The following PCSK1N variants were observed in gnomAD, a reference collection of about 807,000 sequenced individuals.
PCSK1N encodes proprotein convertase subtilisin/kexin type 1 inhibitor, also known as proSAAS.
A neutral mutation model predicts 10.6 loss-of-function variants in PCSK1N; 8 were observed. That is an observed-to-expected ratio of 0.76 (90% CI 0.44 to 1.37). The LOEUF is 1.37. Ranked by LOEUF, PCSK1N falls within the 40% of genes most tolerant of loss-of-function variation. PCSK1N has a pLI of 0.00. For missense variants in PCSK1N, 301 were observed against 268.5 expected (o/e 1.12, Z -0.84); for synonymous variants, 143 against 137.1 (o/e 1.04, Z -0.30).
intron 1 of PCSK1N, among the ~76,000 whole-genome samples, chrX:48,834,361 C>T (rs971965080): frequency 1.8e-5 from 2 of 110,877 alleles, no homozygotes; most frequent in Admixed American, 9.7e-5. Context: ...AGGAGGATGC[C>T]TCTCCAAGTG....
At position 48,835,471 on chromosome X, in the gene PCSK1N, A is replaced by G; in HGVS notation, c.62T>C (p.Leu21Pro). 1.0e-6 allele frequency: 1 copy of G among 970,526 alleles called. No individual in the cohort carries two copies. The allele number at this position is 970,526 out of a possible 1,213,427, so 80.0% of individuals were successfully genotyped here. ...RAGGVGLLVL[L>P]LLGLFRPPPA... ...GGGCGGCCGAAACAGGCCGAGCAGCAGCAGCACCAAAAGGCCGACGCCCCC... is the reference window on the plus strand; with the variant it reads ...GGGCGGCCGAAACAGGCCGAGCAGCGGCAGCACCAAAAGGCCGACGCCCCC... Residue 21 changes from leucine (L) to proline (P), a missense_variant, in exon 1 of 3, where the codon CTG (leucine) becomes CCG (proline). Coordinates refer to ENST00000218230, the MANE Select transcript of PCSK1N (RefSeq NM_013271.5).
chrX:48,831,432 G>A lies in PCSK1N; in HGVS notation c.611C>T (p.Ala204Val), dbSNP rs781883585. 9.3e-7 allele frequency: 1 copy of A among 1,079,391 alleles called. No homozygotes were observed. The highest frequency in any genetic ancestry group is 1.9e-5 in the African/African-American group (1 of 52,124). The allele number at this position is 1,079,391 out of a possible 1,213,427, so 89.0% of individuals were successfully genotyped here. A position where few individuals can be genotyped will look rare whatever the true frequency, so the allele number is the denominator to read the frequency against. Residue 204 changes from alanine to valine, a missense_variant, in exon 3 of 3, where the codon GCG becomes GTG. Transcript: ENST00000218230. The stretch of plus-strand genomic sequence containing the variant: ...CACCCCCTCGGAGTCCGCGCTTCCC[G>A]CAAGAATCCGTCCCAGCAAGTACCT... ...LLRYLLGRIL[A>V]GSADSEGVAA...
intron 1 of PCSK1N, chrX:48,834,494 G>A: frequency 4.3e-6 from 3 of 692,854 alleles, no homozygotes; most frequent in Non-Finnish European, 5.1e-6. Context: ...GCCCAACACT[G>A]CCACAGCCAC....
intron 1 of PCSK1N, 61 bp downstream of exon 1, chrX:48,835,358 C>A: frequency 1.9e-6 from 1 of 519,792 alleles, no homozygotes. Flanking sequence ...CAGCCCCAAC[C>A]CCAACCCTCG....
Position 48,831,866 on chromosome X carries a change from C to A in PCSK1N, c.587+3G>T. 1 of 1,056,885 alleles carries A rather than the reference C, an allele frequency of 9.5e-7. No homozygotes were observed. Among genetic ancestry groups the A allele is most frequent in the Non-Finnish European group, 1.2e-6 (1 of 826,153 alleles). The allele number at this position is 1,056,885 out of a possible 1,213,427, so 87.1% of individuals were successfully genotyped here. On this transcript the variant is annotated splice_donor_region_variant and intron_variant, in intron 2 of 2. Coordinates refer to ENST00000218230, the MANE Select transcript of PCSK1N (RefSeq NM_013271.5). Reference sequence around the variant, plus strand: ...CGACCCCTCCCCACCCCCTGCCGGGCACCTCAACAGCTCGGGGTCCACGTC... The same window carrying A: ...CGACCCCTCCCCACCCCCTGCCGGGAACCTCAACAGCTCGGGGTCCACGTC...
rs2063175129 is a variant in PCSK1N at position 48,832,123 on chromosome X, G to A, written c.333C>T (p.Arg111=). The change falls in exon 2 of 3, where the codon CGC becomes CGT. Residue 111 remains arginine, a synonymous_variant. Transcript: ENST00000218230. ...CAGAGTTGCGGGGGGCGCCCCAGAC[G>A]CGCAGCAGCTGCGCCAGGACGCGCG... ...QQARVLAQLL[R]VWGAPRNSDP... 2.7e-6 allele frequency: 3 copies of A among 1,125,966 alleles called. No individual in the cohort carries two copies. Among genetic ancestry groups the A allele is most frequent in the Admixed American group, 2.8e-5 (1 of 35,269 alleles). The allele number at this position is 1,125,966 out of a possible 1,213,427, so 92.8% of individuals were successfully genotyped here.
At position 48,831,165 on chromosome X, in the gene PCSK1N, G is replaced by A. The variant is rs56338702; in HGVS notation, c.*95C>T. On this transcript the variant is annotated 3_prime_UTR_variant, in exon 3 of 3. Transcript: ENST00000218230. ...CGGGTGAGAGGGCTGGCTGGCCGGGGTAAGTTGCTCTGGACGTGCTGGCGG... is the reference window on the plus strand; with the variant it reads ...CGGGTGAGAGGGCTGGCTGGCCGGGATAAGTTGCTCTGGACGTGCTGGCGG... The A allele has an allele frequency of 0.038, 27,759 of 734,477 alleles. 495 individuals are homozygous for A. Among genetic ancestry groups the A allele is most frequent in the Non-Finnish European group, 0.045 (23,896 of 526,529 alleles). The allele number at this position is 734,477 out of a possible 1,213,427, so 60.5% of individuals were successfully genotyped here. A position where few individuals can be genotyped will look rare whatever the true frequency, so the allele number is the denominator to read the frequency against.
chrX:48,833,897 GA>G (rs200814094), intron 1 of PCSK1N, among the ~76,000 whole-genome samples: 7 of 108,050 alleles, frequency 6.5e-5, no homozygotes, highest in African/African-American at 1.7e-4. Context: ...AGAGCCAAGG[GA>G]AAAAAAAACG....
intron 1 of PCSK1N, 87 bp downstream of exon 1, chrX:48,835,332 C>T: frequency 2.7e-5 from 11 of 405,934 alleles, no homozygotes; most frequent in Non-Finnish European, 4.0e-5. Flanking sequence ...CCGGCTCGGG[C>T]GGGGGTGAGG....
rs1305291674 is a variant in PCSK1N at position 48,835,497 on chromosome X, G to A, written c.36C>T (p.Ala12=). The change falls in exon 1 of 3, where the codon GCC becomes GCT. Residue 12 remains alanine (A), a synonymous_variant. Transcript: ENST00000218230. ...AGSPLLWGPR[A]GGVGLLVLLL... is the part of the protein sequence containing the mutation. ...GCAGCACCAAAAGGCCGACGCCCCC[G>A]GCCCGCGGCCCCCAGAGCAGCGGCG... The A allele has an allele frequency of 6.3e-6, 6 of 951,922 alleles. No individual in the cohort carries two copies. Among genetic ancestry groups the A allele is most frequent in the South Asian group, 4.5e-5 (1 of 22,106 alleles). 78.4% of individuals were successfully genotyped at this position (951,922 alleles called of 1,213,427 possible). A position where few individuals can be genotyped will look rare whatever the true frequency, so the allele number is the denominator to read the frequency against.
In PCSK1N at chrX:48,831,245, G is replaced by A. The variant is rs1557033305; in HGVS notation, c.*15C>T. 8.6e-7 allele frequency: 1 copy of A among 1,160,131 alleles called. No homozygotes were observed. Among genetic ancestry groups the A allele is most frequent in the South Asian group, 1.9e-5 (1 of 51,719 alleles). On this transcript the variant is annotated 3_prime_UTR_variant, in exon 3 of 3. Coordinates refer to ENST00000218230, the MANE Select transcript of PCSK1N (RefSeq NM_013271.5). ...GCACTTCTGGGTCCCAGGGTGCACG[G>A]GATCCGGGCAGTGCTCAGGGTGGCA... is the stretch of plus-strand genomic sequence containing the variant.
rs2063171338 is a variant in PCSK1N at position 48,831,254 on chromosome X, C to A, written c.*6G>T. 2.6e-6 allele frequency: 3 copies of A among 1,170,010 alleles called. No individual in the cohort carries two copies. The South Asian group carries it at 5.7e-5, about 22-fold the overall frequency. ...GGTCCCAGGGTGCACGGGATCCGGG[C>A]AGTGCTCAGGGTGGCAAGAGGCGGC... is the stretch of plus-strand genomic sequence containing the variant. On this transcript the variant is annotated 3_prime_UTR_variant, in exon 3 of 3. Transcript: ENST00000218230.
rs1041153027 is a variant in PCSK1N, at chrX:48,831,105, T to C, written c.*155A>G. ...CAGACAAGCACAGAGCTGCTTCAGA[T>C]CATGTTTATTGTGGGGCCAGGGGGT... On this transcript the variant is annotated 3_prime_UTR_variant, in exon 3 of 3. Coordinates refer to ENST00000218230, the MANE Select transcript of PCSK1N (RefSeq NM_013271.5). 5 of 455,342 alleles carry C rather than the reference T, an allele frequency of 1.1e-5. No individual in the cohort carries two copies. The highest frequency in any genetic ancestry group is 1.8e-5 in the Non-Finnish European group (5 of 280,791). 37.5% of individuals were successfully genotyped at this position (455,342 alleles called of 1,213,427 possible). A position where few individuals can be genotyped will look rare whatever the true frequency, so the allele number is the denominator to read the frequency against.
intron 2 of PCSK1N, 82 bp downstream of exon 2, chrX:48,831,787 G>C (rs1218285750): frequency 1.3e-6 from 1 of 777,485 alleles, no homozygotes; most frequent in South Asian, 3.9e-5. Flanking sequence ...CGCACTCCAC[G>C]GGGTAAGCAG....
Position 48,831,288 on chromosome X carries a change from A to T in PCSK1N, c.755T>A (p.Val252Glu). ...VKRLETPAPQ[V>E]PARRLLPP ...GGGTGGCAAGAGGCGGCGTGCAGGCACCTGGGGCGCCGGGGTCTCTAGGCG... is the reference window on the plus strand; with the variant it reads ...GGGTGGCAAGAGGCGGCGTGCAGGCTCCTGGGGCGCCGGGGTCTCTAGGCG... Residue 252 changes from valine to glutamate, a missense_variant, in exon 3 of 3, where the codon GTG (valine) becomes GAG (glutamate). Physicochemically the swap from Val to Glu is moderately radical, Grantham distance 121. Coordinates refer to ENST00000218230, the MANE Select transcript of PCSK1N (RefSeq NM_013271.5). 1 of 1,182,980 alleles carries T rather than the reference A, an allele frequency of 8.5e-7. No homozygotes were observed. The highest frequency in any genetic ancestry group is 1.8e-5 in the South Asian group (1 of 54,212).
Position 48,831,855 on chromosome X carries a change from C to T in PCSK1N, c.587+14G>A. On this transcript the variant is annotated intron_variant, in intron 2 of 2. Transcript: ENST00000218230. ...ACGCAGGCGCCCGACCCCTCCCCAC[C>T]CCCTGCCGGGCACCTCAACAGCTCG... The T allele has an allele frequency of 2.9e-6, 3 of 1,039,736 alleles. No individual in the cohort carries two copies. The highest frequency in any genetic ancestry group is 3.7e-6 in the Non-Finnish European group (3 of 816,663). 85.7% of individuals were successfully genotyped at this position (1,039,736 alleles called of 1,213,427 possible). A position where few individuals can be genotyped will look rare whatever the true frequency, so the allele number is the denominator to read the frequency against.
chrX:48,834,652 A>C, intron 1 of PCSK1N: 1 of 279,023 alleles, frequency 3.6e-6, no homozygotes, highest in Non-Finnish European at 4.9e-6. Flanking sequence ...ACACAGCTCC[A>C]CAAAGAAACG....
At chrX:48,835,247 G>A (rs1557033999) in intron 1 of PCSK1N, among the ~76,000 whole-genome samples, 172 bp downstream of exon 1, 1 of 113,229 alleles carries the variant, frequency 8.8e-6, no homozygotes, top group East Asian at 2.8e-4. Context: ...TCTCAGGTGT[G>A]CCGGCGTGGC....
chrX:48,832,107 G>T lies in PCSK1N; in HGVS notation c.349C>A (p.Arg117Ser). 8.9e-7 allele frequency: 1 copy of T among 1,123,359 alleles called. No homozygotes were observed. Among genetic ancestry groups the T allele is most frequent in the East Asian group, 3.7e-5 (1 of 27,164 alleles). The allele number at this position is 1,123,359 out of a possible 1,213,427, so 92.6% of individuals were successfully genotyped here. Residue 117 changes from arginine to serine, a missense_variant, in exon 2 of 3, where the codon CGC becomes AGC. Transcript: ENST00000218230. ...AGGCCCAGAGCCGGATCAGAGTTGCGGGGGGCGCCCCAGACGCGCAGCAGC... is the reference window on the plus strand; with the variant it reads ...AGGCCCAGAGCCGGATCAGAGTTGCTGGGGGCGCCCCAGACGCGCAGCAGC... The part of the protein sequence containing the change: ...AQLLRVWGAP[R>S]NSDPALGLDD...
Sources: gnomAD v4.1 joint callset for allele counts (sites outside exome capture counted in the v4.1 genomes callset) on GRCh38, gnomAD v4.1.1 for gene constraint, MANE v1.5 for transcripts, NCBI Gene and HGNC (gene_info 2026-07-23, HGNC 2026-07-21) for gene names.